The following NTM variants were observed in gnomAD, a reference collection of about 807,000 sequenced individuals.
The protein encoded by NTM is neurotrimin, also known as IgLON family member 2.
A neutral mutation model predicts 42.1 loss-of-function variants in NTM; 13 were observed. The ratio of observed to expected loss-of-function variants is 0.31; its 90% CI spans 0.20 to 0.49. The LOEUF (loss-of-function observed/expected upper bound fraction) is 0.49, where lower values mean the gene tolerates loss of function less well. NTM is among the 20% of genes least tolerant of loss of function. The pLI is 0.99. For missense variants in NTM, 373 were observed against 452.8 expected, an observed-to-expected ratio of 0.82 and a Z score of 1.60; for synonymous variants, 187 against 179.2, an observed-to-expected ratio of 1.04 and a Z score of -0.35.
intron 4 of NTM, among the ~76,000 whole-genome samples, chr11:132,287,544 T>TA (rs1011734925): frequency 7.9e-5 from 12 of 152,086 alleles, no homozygotes; most frequent in Admixed American, 1.3e-4. Context: ...GGTTTATATT[T>TA]AAAAAATGCT....
intron 1 of NTM, among the ~76,000 whole-genome samples, chr11:131,900,114 A>G (rs2052921985): frequency 2.0e-5 from 3 of 152,254 alleles, no homozygotes; most frequent in Admixed American, 1.3e-4. Context: ...CCAGTGGACT[A>G]GCACAGTGAG....
chr11:131,428,880 C>CAAAAAAAAAAAAAAAAAA (rs35312475), intron 1 of NTM, among the ~76,000 whole-genome samples: 2 of 84,006 alleles, frequency 2.4e-5, no homozygotes, highest in African/African-American at 4.7e-5. Flanking sequence ...ACTAAAAATA[C>CAAAAAAAAAAAAAAAAAA]AAAAAAAAAA....
chr11:132,137,068 A>G (rs545124634), intron 2 of NTM, among the ~76,000 whole-genome samples: 2 of 152,346 alleles, frequency 1.3e-5, no homozygotes, highest in Admixed American at 6.5e-5. Context: ...TGTAATCGCA[A>G]AAAGTGTCTG....
Position 132,336,188 on chromosome 11 carries a change from A to G in NTM, c.*1042A>G. On this transcript the variant is annotated 3_prime_UTR_variant, in exon 9 of 9. Coordinates refer to ENST00000683400, the MANE Select transcript of NTM (RefSeq NM_001352005.2). Reference sequence around the variant, plus strand: ...TATTATACAGTATATATATACATATATTTTTTTTGTTAGAGTTCTAGCCAT... The same window carrying G: ...TATTATACAGTATATATATACATATGTTTTTTTTGTTAGAGTTCTAGCCAT... 1 of 151,716 alleles carries G rather than the reference A, an allele frequency of 6.6e-6. No homozygotes were observed. Among genetic ancestry groups the G allele is most frequent in the Non-Finnish European group, 1.5e-5 (1 of 67,924 alleles). The allele number at this position is 151,716 out of a possible 1,614,324, so 9.4% of individuals were successfully genotyped here.
chr11:132,236,849 C>T (rs957753956), intron 4 of NTM, among the ~76,000 whole-genome samples: 4 of 152,176 alleles, frequency 2.6e-5, no homozygotes, highest in African/African-American at 7.2e-5. Flanking sequence ...GGAAGGAAGG[C>T]TGTGTGATGT....
intron 2 of NTM, among the ~76,000 whole-genome samples, chr11:131,925,771 G>C (rs969612355): frequency 3.3e-5 from 5 of 152,140 alleles, no homozygotes; most frequent in African/African-American, 7.2e-5. Context: ...GCTGTGGAAA[G>C]GGGAAGAGGC....
intron 1 of NTM, among the ~76,000 whole-genome samples, chr11:131,891,212 T>A (rs941185418): frequency 6.6e-6 from 1 of 152,160 alleles, no homozygotes; most frequent in Non-Finnish European, 1.5e-5. Context: ...GTGTTCAATG[T>A]GCTATAGGAG....
At position 132,197,217 on chromosome 11, in the gene NTM, G is replaced by A. The variant is rs536522884; in HGVS notation, c.401-14805G>A. On this transcript the variant is annotated intron_variant, in intron 3 of 8. Transcript: ENST00000683400. ...TGATAGCATCAAGCCAAAGATGGAA[G>A]GGTAGATCTGCTCAAGTACTGCTGA... 3.9e-5 allele frequency among the ~76,000 whole-genome samples: 6 copies of A among 152,296 alleles called. No homozygotes were observed. In the South Asian group the frequency reaches 1.0e-3, roughly 26 times the overall value.
intron 1 of NTM, among the ~76,000 whole-genome samples, chr11:131,448,976 G>A (rs1255696579): frequency 6.6e-6 from 1 of 152,182 alleles, no homozygotes. Flanking sequence ...GAACCCTCTA[G>A]GAGACAGCAG....
chr11:132,228,010 G>A (rs930274081), intron 4 of NTM, among the ~76,000 whole-genome samples: 4 of 152,140 alleles, frequency 2.6e-5, no homozygotes, highest in Non-Finnish European at 4.4e-5. Flanking sequence ...TGAAGCAGGG[G>A]CGTATGAATG....
intron 1 of NTM, among the ~76,000 whole-genome samples, chr11:131,479,481 A>G (rs1461774754): frequency 6.6e-6 from 1 of 152,212 alleles, no homozygotes; most frequent in African/African-American, 2.4e-5. Flanking sequence ...AGGAGATTGC[A>G]GAGGCAAACT....
At chr11:131,527,913 G>A (rs775917229) in intron 1 of NTM, among the ~76,000 whole-genome samples, 6 of 152,138 alleles carry the variant, frequency 3.9e-5, no homozygotes, top group Non-Finnish European at 5.9e-5. Context: ...TGTACTAGTT[G>A]AGTATCCCTA....
chr11:131,453,185 T>C (rs190961636), intron 1 of NTM, among the ~76,000 whole-genome samples: 7 of 152,238 alleles, frequency 4.6e-5, no homozygotes, highest in Admixed American at 3.3e-4. Context: ...CCAACTATCA[T>C]AGGCAGAGGA....
intron 2 of NTM, among the ~76,000 whole-genome samples, chr11:132,088,224 C>T (rs1477320773): frequency 6.6e-6 from 1 of 152,166 alleles, no homozygotes; most frequent in Admixed American, 6.5e-5. Context: ...GGCCAACATT[C>T]CCGACCCCTG....
chr11:131,473,384 G>A (rs11222660), intron 1 of NTM, among the ~76,000 whole-genome samples: 20,363 of 152,096 alleles, frequency 0.13, 1,443 homozygotes, highest in Non-Finnish European at 0.16. Flanking sequence ...TGATGGGGAG[G>A]GAGAGCCTGT....
chr11:131,472,763 C>T (rs1204058323), intron 1 of NTM, among the ~76,000 whole-genome samples: 4 of 151,820 alleles, frequency 2.6e-5, no homozygotes, highest in Non-Finnish European at 4.4e-5. Context: ...TTTAGCATAC[C>T]CACTTGATAG....
intron 2 of NTM, among the ~76,000 whole-genome samples, chr11:132,042,038 C>T (rs2077272469): frequency 6.6e-6 from 1 of 152,164 alleles, no homozygotes; most frequent in Non-Finnish European, 1.5e-5. Flanking sequence ...ATCCTGAAGG[C>T]CTGGCATTCT....
At chr11:132,259,328 A>T (rs958817692) in intron 4 of NTM, among the ~76,000 whole-genome samples, 2 of 151,622 alleles carry the variant, frequency 1.3e-5, no homozygotes, top group Non-Finnish European at 2.9e-5. Context: ...AGCTCAAATG[A>T]AAAAAAGAAA....
intron 1 of NTM, among the ~76,000 whole-genome samples, chr11:131,521,591 A>AGG (rs1402193396): frequency 6.6e-5 from 10 of 151,382 alleles, no homozygotes; most frequent in Non-Finnish European, 1.5e-4. Flanking sequence ...ACCAGCCCGT[A>AGG]GGGGGACTCT....
Sources: gnomAD v4.1 joint callset for allele counts (sites outside exome capture counted in the v4.1 genomes callset) on GRCh38, gnomAD v4.1.1 for gene constraint, MANE v1.5 for transcripts, NCBI Gene and HGNC (gene_info 2026-07-23, HGNC 2026-07-21) for gene names.